The following THSD7A variants were observed in gnomAD, a reference collection of about 807,000 sequenced individuals.
THSD7A encodes thrombospondin type-1 domain-containing protein 7A.
A neutral mutation model predicts 231.3 loss-of-function variants in THSD7A; 96 were observed. The observed-to-expected ratio is 0.41, with a 90% CI of 0.35 to 0.49. The LOEUF (loss-of-function observed/expected upper bound fraction) is 0.49. Among genes scored for constraint, THSD7A ranks in the 20% least tolerant of loss-of-function variants. THSD7A has a pLI of 0.05. For synonymous variants in THSD7A, 940 were observed against 743.3 expected (o/e 1.26, Z -4.30); for missense variants, 2,290 against 2,070.2 (o/e 1.11, Z -2.06).
intron 11 of THSD7A, among the ~76,000 whole-genome samples, chr7:11,449,366 G>A (rs1785073774): frequency 6.6e-6 from 1 of 152,022 alleles, no homozygotes; most frequent in African/African-American, 2.4e-5. Flanking sequence ...ATGGGGTCAG[G>A]AATATGCATT....
intron 2 of THSD7A, among the ~76,000 whole-genome samples, chr7:11,602,480 T>A (rs1780586087): frequency 6.6e-6 from 1 of 152,116 alleles, no homozygotes; most frequent in Admixed American, 6.6e-5. Flanking sequence ...GAAAGTTACA[T>A]AAAGTAGTAG....
At position 11,643,982 on chromosome 7, in the gene THSD7A, T is replaced by TC. The variant is rs528419393; in HGVS notation, c.191-7022dup. Reference sequence around the variant, plus strand: ...TCTAATATTTGCAGATTGCTGTTCCTCCAAGTCTGAGCTCCTATTGGAGAA... The same window carrying TC: ...TCTAATATTTGCAGATTGCTGTTCCTCCCAAGTCTGAGCTCCTATTGGAGAA... On this transcript the variant is annotated intron_variant, in intron 1 of 27. Transcript: ENST00000423059. 4.7e-3 allele frequency among the ~76,000 whole-genome samples: 711 copies of TC among 151,780 alleles called. 5 individuals carry two copies. The highest frequency in any genetic ancestry group is 0.016 in the African/African-American group (683 of 41,436).
intron 1 of THSD7A, among the ~76,000 whole-genome samples, chr7:11,816,405 T>C (rs1490200589): frequency 6.6e-6 from 1 of 152,164 alleles, no homozygotes; most frequent in Admixed American, 6.6e-5. Context: ...CCTGCCTCAA[T>C]GATGTCATAA....
Position 11,446,302 on chromosome 7 carries a change from T to G in THSD7A, c.2823A>C (p.Lys941Asn). ...TLVGKSKKKE[K>N]CKNSHLYPLI... Reference sequence around the variant, plus strand: ...GGGGATACAAATGGGAATTTTTACATTTTTCCTTCTTTTTACTTTTTCCTG... The same window carrying G: ...GGGGATACAAATGGGAATTTTTACAGTTTTCCTTCTTTTTACTTTTTCCTG... Residue 941 changes from lysine (K) to asparagine (N), a missense_variant, in exon 13 of 28, where the codon AAA becomes AAC. Physicochemically the swap from Lys to Asn is moderately conservative, Grantham distance 94. Coordinates refer to ENST00000423059, the MANE Select transcript of THSD7A (RefSeq NM_015204.3). The surrounding 1 kb of genome is among the most constrained non-coding windows in gnomAD (Gnocchi z 4.0). 6.2e-7 allele frequency: 1 copy of G among 1,611,156 alleles called. No homozygotes were observed. The highest frequency in any genetic ancestry group is 8.5e-7 in the Non-Finnish European group (1 of 1,178,178).
intron 1 of THSD7A, among the ~76,000 whole-genome samples, chr7:11,818,631 C>A (rs1311689273): frequency 2.6e-5 from 4 of 152,090 alleles, no homozygotes; most frequent in Admixed American, 1.3e-4. Context: ...TTCCTCAGTG[C>A]AAAGCAAGGA....
chr7:11,765,160 G>A (rs1201020817), intron 1 of THSD7A, among the ~76,000 whole-genome samples: 1 of 152,038 alleles, frequency 6.6e-6, no homozygotes, highest in Non-Finnish European at 1.5e-5. Context: ...GAAAAATATA[G>A]GTTCATTCAC....
intron 6 of THSD7A, among the ~76,000 whole-genome samples, chr7:11,482,513 G>A (rs1360912494): frequency 6.6e-6 from 1 of 152,230 alleles, no homozygotes; most frequent in Admixed American, 6.5e-5. Flanking sequence ...TTTGTTAGTT[G>A]GAAATAGACA....
rs144732743 is a variant in THSD7A, at chr7:11,825,117, CA to C, written c.190+6639del. On this transcript the variant is annotated intron_variant, in intron 1 of 27. Transcript: ENST00000423059. ...GAGAAAACAAATAAGTATGTTAGAC[CA>C]GTAAAATTTCTGCAACTTATGTCAT... is the stretch of plus-strand genomic sequence containing the variant. Among the ~76,000 whole-genome samples, 217 of 151,906 alleles carry C rather than the reference CA, an allele frequency of 1.4e-3. 1 individual carries two copies. The highest frequency in any genetic ancestry group is 5.0e-3 in the African/African-American group (207 of 41,442).
chr7:11,654,098 A>T (rs1782617216), intron 1 of THSD7A, among the ~76,000 whole-genome samples: 1 of 151,918 alleles, frequency 6.6e-6, no homozygotes, highest in Non-Finnish European at 1.5e-5. Context: ...AGAATCTCTG[A>T]TAATTTATAA....
At chr7:11,566,336 A>C (rs190945155) in intron 4 of THSD7A, among the ~76,000 whole-genome samples, 120 of 152,352 alleles carry the variant, frequency 7.9e-4, no homozygotes, top group Non-Finnish European at 1.2e-3. Context: ...GGATGTTTTA[A>C]GGAAGCAGAT....
At chr7:11,555,094 T>C (rs963716685) in intron 4 of THSD7A, among the ~76,000 whole-genome samples, 28 of 151,862 alleles carry the variant, frequency 1.8e-4, no homozygotes, top group East Asian at 1.9e-4. Context: ...ATTTCATTGA[T>C]TTCTGTTCTT....
intron 2 of THSD7A, among the ~76,000 whole-genome samples, chr7:11,629,870 G>A (rs1298247937): frequency 1.3e-5 from 2 of 152,174 alleles, no homozygotes; most frequent in Non-Finnish European, 2.9e-5. Flanking sequence ...AATCACAAAA[G>A]TTGAAAGGCT....
chr7:11,594,105 T>C (rs1212312559), intron 2 of THSD7A, among the ~76,000 whole-genome samples: 6 of 151,566 alleles, frequency 4.0e-5, no homozygotes. Context: ...ATGAAAAGAG[T>C]AGACTGGCCT....
At chr7:11,454,349 C>T (rs760288307) in intron 11 of THSD7A, among the ~76,000 whole-genome samples, 3 of 151,762 alleles carry the variant, frequency 2.0e-5, no homozygotes, top group Non-Finnish European at 4.4e-5. Flanking sequence ...TACCCAAAGC[C>T]TTGTAAAAAT....
chr7:11,470,029 A>T, intron 8 of THSD7A, 35 bp from the exon 9 acceptor site: 1 of 1,363,412 alleles, frequency 7.3e-7, no homozygotes, highest in Non-Finnish European at 1.0e-6. Flanking sequence ...AGGCTTCAAT[A>T]GTAAAGCAGA....
At chr7:11,376,936 C>T (rs1247978307) in intron 26 of THSD7A, 15 of 274,854 alleles carry the variant, frequency 5.5e-5, no homozygotes, top group Non-Finnish European at 8.9e-5. Flanking sequence ...CCTTTCATCT[C>T]AATTTTACTT....
In THSD7A at chr7:11,596,421, C is replaced by T. The variant is rs566212785; in HGVS notation, c.1023-2919G>A. On this transcript the variant is annotated intron_variant, in intron 2 of 27. Coordinates refer to ENST00000423059, the MANE Select transcript of THSD7A (RefSeq NM_015204.3). ...AACTTACAGTGGGTCCAGTGGTTCCCGGGATTCATCCTGTGGTCGTTTCCC... is the reference window on the plus strand; with the variant it reads ...AACTTACAGTGGGTCCAGTGGTTCCTGGGATTCATCCTGTGGTCGTTTCCC... Among the ~76,000 whole-genome samples the T allele has an allele frequency of 8.5e-5, 13 of 152,100 alleles. No individual in the cohort carries two copies. The South Asian group carries it at 1.7e-3, about 19-fold the overall frequency.
Position 11,371,105 on chromosome 7 carries a change from TC to T in THSD7A, c.*4688del, listed in dbSNP as rs1782036002. Reference sequence around the variant, plus strand: ...CTTCATATACTGCCCATTTTTAAGATCTGACTTGGTAGAAACACAGAAAAAT... The same window carrying T: ...CTTCATATACTGCCCATTTTTAAGATTGACTTGGTAGAAACACAGAAAAAT... On this transcript the variant is annotated 3_prime_UTR_variant, in exon 28 of 28. Transcript: ENST00000423059. The T allele has an allele frequency of 6.6e-6, 1 of 152,204 alleles. No homozygotes were observed. Among genetic ancestry groups the T allele is most frequent in the African/African-American group, 2.4e-5 (1 of 41,468 alleles). 9.4% of individuals were successfully genotyped at this position (152,204 alleles called of 1,614,324 possible).
chr7:11,555,737 T>G (rs1480438314), intron 4 of THSD7A, among the ~76,000 whole-genome samples: 2 of 151,796 alleles, frequency 1.3e-5, no homozygotes, highest in Non-Finnish European at 3.0e-5. Context: ...TTTTTGTTCA[T>G]ATATTTTGCA....
Sources: gnomAD v4.1 joint callset for allele counts (sites outside exome capture counted in the v4.1 genomes callset) on GRCh38, gnomAD v4.1.1 for gene constraint, Gnocchi (gnomAD v3.1) non-coding constraint, MANE v1.5 for transcripts, NCBI Gene and HGNC (gene_info 2026-07-23, HGNC 2026-07-21) for gene names.